Variants in KDM4B observed in about 807,000 individuals in gnomAD.
KDM4B encodes lysine-specific demethylase 4B.
Under a neutral mutation model 125.2 loss-of-function variants are expected in KDM4B, and 32 were observed. That is an observed-to-expected ratio of 0.26 (90% CI 0.19 to 0.34). The LOEUF is 0.34. Ranked by LOEUF, KDM4B falls within the 10% of genes least tolerant of loss-of-function variation. KDM4B has a pLI of 1.00. For missense variants in KDM4B, 1,190 were observed against 1,577.7 expected, an observed-to-expected ratio of 0.75 and a Z score of 4.16; for synonymous variants, 721 against 677.9, an observed-to-expected ratio of 1.06 and a Z score of -0.99.
intron 1 of KDM4B, among the ~76,000 whole-genome samples, chr19:4,990,261 GCCTGGGCAAAAGAGTGAGAC>G (rs1301162390): frequency 6.6e-6 from 1 of 152,216 alleles, no homozygotes; most frequent in Non-Finnish European, 1.5e-5. Context: ...GTGTGCTCCA[GCCTGGGCAAAAGAGTGAGAC>G]CCTGTCCCCG....
intron 1 of KDM4B, among the ~76,000 whole-genome samples, chr19:5,006,855 G>T (rs1422754310): frequency 6.6e-6 from 1 of 152,156 alleles, no homozygotes; most frequent in African/African-American, 2.4e-5. Context: ...CTGGGACTTG[G>T]GACGGCCTCC....
At chr19:5,148,197 A>G (rs915947605) in intron 21 of KDM4B, among the ~76,000 whole-genome samples, 5 of 152,222 alleles carry the variant, frequency 3.3e-5, no homozygotes, top group Admixed American at 6.5e-5. Context: ...AAGTATATCC[A>G]GTTTTCTCAA....
At chr19:5,086,597 G>T (rs572470400) in intron 9 of KDM4B, among the ~76,000 whole-genome samples, 12 of 152,220 alleles carry the variant, frequency 7.9e-5, no homozygotes, top group Middle Eastern at 3.4e-3. Context: ...CTGTCTCCCC[G>T]TCTACAGATG....
rs1040010481 is a variant in KDM4B at position 5,049,360 on chromosome 19, A to G, written c.626+1691A>G. Among the ~76,000 whole-genome samples, 16 of 151,538 alleles carry G rather than the reference A, an allele frequency of 1.1e-4. No individual in the cohort carries two copies. In the South Asian group the frequency reaches 2.9e-3, roughly 28 times the overall value. On this transcript the variant is annotated intron_variant, in intron 6 of 22. Transcript: ENST00000159111. ...ACTCCCATGTCTACCCTTCCCCATG[A>G]CCCGTCGTGGGAGATGGCTCAGGGG...
At chr19:5,148,577 G>A (rs2146117886) in intron 21 of KDM4B, among the ~76,000 whole-genome samples, 2 of 152,356 alleles carry the variant, frequency 1.3e-5, no homozygotes, top group East Asian at 3.9e-4. Context: ...GTCGGGGCCG[G>A]GGAGCTGGGG....
intron 5 of KDM4B, among the ~76,000 whole-genome samples, chr19:5,045,526 C>T (rs1306055339): frequency 6.6e-6 from 1 of 151,356 alleles, no homozygotes; most frequent in Non-Finnish European, 1.5e-5. Flanking sequence ...GCTGGGATTA[C>T]ATTACAGGCG....
Position 5,021,123 on chromosome 19 carries a change from G to A in KDM4B, c.-26+4784G>A, listed in dbSNP as rs1404399614. Among the ~76,000 whole-genome samples the A allele has an allele frequency of 4.1e-5, 6 of 146,484 alleles. No individual in the cohort carries two copies. In the Admixed American group the frequency reaches 4.1e-4, roughly 10 times the overall value. ...TCGCACCACTGCACTCCACCTGGGC[G>A]ACAGAGTGAAACTGTCTCAAAAAAA... On this transcript the variant is annotated intron_variant, in intron 2 of 22. Coordinates refer to ENST00000159111, the MANE Select transcript of KDM4B (RefSeq NM_015015.3).
intron 6 of KDM4B, among the ~76,000 whole-genome samples, chr19:5,057,060 G>GTGTGTGTGTT (rs1197929070): frequency 2.1e-5 from 3 of 145,780 alleles, no homozygotes; most frequent in Non-Finnish European, 4.5e-5. Flanking sequence ...GTGTGTGTGT[G>GTGTGTGTGTT]TGTGTGCGCG....
intron 3 of KDM4B, among the ~76,000 whole-genome samples, chr19:5,038,771 G>A (rs1363630095): frequency 6.6e-6 from 1 of 152,242 alleles, no homozygotes; most frequent in Non-Finnish European, 1.5e-5. Context: ...CAGGAGATGG[G>A]TGCGCTGGGC....
intron 6 of KDM4B, among the ~76,000 whole-genome samples, chr19:5,054,920 T>C (rs1175468407): frequency 6.6e-6 from 1 of 152,218 alleles, no homozygotes. Context: ...TTATCAAGAC[T>C]GGGGAGTGAA....
At chr19:4,973,485 G>A (rs1324439062) in intron 1 of KDM4B, among the ~76,000 whole-genome samples, 2 of 152,124 alleles carry the variant, frequency 1.3e-5, no homozygotes, top group Non-Finnish European at 1.5e-5. Context: ...CACTATGCTC[G>A]GCCAAGTTGC....
At chr19:4,972,195 G>A (rs1016307844) in intron 1 of KDM4B, among the ~76,000 whole-genome samples, 7 of 152,198 alleles carry the variant, frequency 4.6e-5, no homozygotes, top group Non-Finnish European at 8.8e-5. Flanking sequence ...TCTTGACGAC[G>A]TCTCTGGATC....
At chr19:5,065,011 C>T (rs1023695804) in intron 6 of KDM4B, among the ~76,000 whole-genome samples, 3 of 152,226 alleles carry the variant, frequency 2.0e-5, no homozygotes, top group Admixed American at 1.3e-4. Context: ...TCCTCCGCCT[C>T]GGGTTCCGAG....
chr19:5,062,652 T>C (rs2037640123), intron 6 of KDM4B, among the ~76,000 whole-genome samples: 2 of 152,188 alleles, frequency 1.3e-5, no homozygotes, highest in South Asian at 4.1e-4. Context: ...ACCCTCTTTT[T>C]GTTGACTTTT....
intron 1 of KDM4B, among the ~76,000 whole-genome samples, chr19:5,004,197 G>A (rs924478710): frequency 6.6e-6 from 1 of 152,156 alleles, no homozygotes; most frequent in Non-Finnish European, 1.5e-5. Flanking sequence ...ATTCTCCTAA[G>A]TCCTTTTCTT....
At chr19:4,993,292 C>A (rs1180702501) in intron 1 of KDM4B, among the ~76,000 whole-genome samples, 1 of 152,032 alleles carries the variant, frequency 6.6e-6, no homozygotes, top group African/African-American at 2.4e-5. Context: ...TGCCTGTATT[C>A]CAGCTACTCG....
rs923040807 is a variant in KDM4B, at chr19:5,145,932, G to A, written c.3021+1030G>A. Among the ~76,000 whole-genome samples, 27 of 152,192 alleles carry A rather than the reference G, an allele frequency of 1.8e-4. 2 individuals are homozygous for A. Among genetic ancestry groups the A allele is most frequent in the Non-Finnish European group, 4.4e-5 (3 of 68,042 alleles). The stretch of plus-strand genomic sequence containing the variant: ...TTAAGGTGAAAACCCTAACCCCTGC[G>A]ATGGTCCCGAGGCCGCATTAAGGAA... On this transcript the variant is annotated intron_variant, in intron 21 of 22. Coordinates refer to ENST00000159111, the MANE Select transcript of KDM4B (RefSeq NM_015015.3).
rs1568306908 is a variant in KDM4B at position 5,115,676 on chromosome 19, G to A, written c.1116-3977G>A. Among the ~76,000 whole-genome samples, 1 of 152,252 alleles carries A rather than the reference G, an allele frequency of 6.6e-6. No homozygotes were observed. The highest frequency in any genetic ancestry group is 1.5e-5 in the Non-Finnish European group (1 of 68,046). On this transcript the variant is annotated intron_variant, in intron 10 of 22. Coordinates refer to ENST00000159111, the MANE Select transcript of KDM4B (RefSeq NM_015015.3). The surrounding 1 kb of genome is among the most constrained non-coding windows in gnomAD (Gnocchi z 4.2). The stretch of plus-strand genomic sequence containing the variant: ...GGGCAGAGCTCCGAGGAAAGAGGAT[G>A]CAGTGAGTGCAGGGCCCTGGAGTGG...
At chr19:5,013,976 GCCC>G (rs1264235698) in intron 1 of KDM4B, among the ~76,000 whole-genome samples, 5 of 152,256 alleles carry the variant, frequency 3.3e-5, no homozygotes, top group African/African-American at 1.2e-4. Flanking sequence ...AAGAGGCGCA[GCCC>G]GTGGCCCGGC....
Sources: gnomAD v4.1 joint callset for allele counts (sites outside exome capture counted in the v4.1 genomes callset) on GRCh38, gnomAD v4.1.1 for gene constraint, Gnocchi (gnomAD v3.1) non-coding constraint, MANE v1.5 for transcripts, NCBI Gene and HGNC (gene_info 2026-07-23, HGNC 2026-07-21) for gene names.